The following BLTP3A variants were observed in gnomAD, a reference collection of about 807,000 sequenced individuals.
BLTP3A encodes ICBP90 binding protein 1.
chr6:34,823,229 G>A, the BLTP3A span: 5 of 1,575,434 alleles, frequency 3.2e-6, no homozygotes, highest in Non-Finnish European at 3.5e-6. Context: ...TTGTGTAAAT[G>A]CTTAGTTCTC....
At chr6:34,825,562 C>T in the BLTP3A span, among the ~76,000 whole-genome samples, 97 of 152,324 alleles carry the variant, frequency 6.4e-4, no homozygotes, top group African/African-American at 2.2e-3. Flanking sequence ...CTGCCTTGGC[C>T]TCCCAAAGTG....
the BLTP3A span, among the ~76,000 whole-genome samples, chr6:34,856,621 C>G: frequency 6.6e-6 from 1 of 152,130 alleles, no homozygotes; most frequent in African/African-American, 2.4e-5. Flanking sequence ...TAGACTGTTG[C>G]CTTGGTCTTA....
the BLTP3A span, among the ~76,000 whole-genome samples, chr6:34,827,529 A>G: frequency 4.6e-5 from 7 of 152,362 alleles, no homozygotes; most frequent in East Asian, 3.9e-4. Context: ...ATAACTATCA[A>G]TAACACTACT....
At chr6:34,811,756 G>A in the BLTP3A span, among the ~76,000 whole-genome samples, 2 of 151,750 alleles carry the variant, frequency 1.3e-5, no homozygotes, top group African/African-American at 4.8e-5. Context: ...CCACTCGGGA[G>A]GCTGAGGCAG....
the BLTP3A span, among the ~76,000 whole-genome samples, chr6:34,816,051 A>T: frequency 6.6e-6 from 1 of 152,256 alleles, no homozygotes; most frequent in African/African-American, 2.4e-5. Flanking sequence ...ATGAAATGTA[A>T]TACAATCTGA....
chr6:34,827,173 T>C, the BLTP3A span, among the ~76,000 whole-genome samples: 29 of 151,898 alleles, frequency 1.9e-4, no homozygotes, highest in Non-Finnish European at 3.7e-4. Context: ...TAGCCGGGCG[T>C]GGTGGCGCGT....
At chr6:34,792,259 G>A in the BLTP3A span, 1 of 1,542,362 alleles carries the variant, frequency 6.5e-7, no homozygotes, top group East Asian at 2.5e-5. Flanking sequence ...GCATGGCCGG[G>A]ATCATTAAGA....
the BLTP3A span, chr6:34,834,921 A>C: frequency 6.3e-7 from 1 of 1,577,164 alleles, no homozygotes; most frequent in South Asian, 1.2e-5. Flanking sequence ...GACAGCCTGG[A>C]TTTGGTATTC....
At chr6:34,858,293 C>T in the BLTP3A span, 1 of 1,614,178 alleles carries the variant, frequency 6.2e-7, no homozygotes, top group East Asian at 2.2e-5. Flanking sequence ...TTCTTTCATT[C>T]CAATTATGAT....
chr6:34,849,592 G>A, the BLTP3A span, among the ~76,000 whole-genome samples: 1 of 152,050 alleles, frequency 6.6e-6, no homozygotes, highest in African/African-American at 2.4e-5. Context: ...TTCAAGATAT[G>A]AGTAGTTCAT....
chr6:34,814,252 C>A, the BLTP3A span, among the ~76,000 whole-genome samples: 2 of 152,156 alleles, frequency 1.3e-5, no homozygotes, highest in Non-Finnish European at 2.9e-5. Context: ...TAGGCTCAAA[C>A]AATCCACCTG....
the BLTP3A span, among the ~76,000 whole-genome samples, chr6:34,854,357 T>A: frequency 6.6e-6 from 1 of 152,188 alleles, no homozygotes; most frequent in Non-Finnish European, 1.5e-5. Flanking sequence ...TGAGACATTA[T>A]AATATATACA....
the BLTP3A span, among the ~76,000 whole-genome samples, chr6:34,823,085 A>T: frequency 6.6e-6 from 1 of 152,172 alleles, no homozygotes; most frequent in Non-Finnish European, 1.5e-5. Flanking sequence ...CTCTCCTTGC[A>T]TTTTAGTTTG....
At chr6:34,873,754 C>T in the BLTP3A span, 2 of 152,154 alleles carry the variant, frequency 1.3e-5, no homozygotes, top group African/African-American at 4.8e-5. Context: ...CCTTTCCATA[C>T]TGAAGGAAAG....
At chr6:34,851,847 C>T in the BLTP3A span, among the ~76,000 whole-genome samples, 2 of 151,424 alleles carry the variant, frequency 1.3e-5, no homozygotes, top group African/African-American at 4.8e-5. Flanking sequence ...CAAAGTCCTT[C>T]CCACTCTTTC....
At chr6:34,859,018 C>T in the BLTP3A span, 1 of 1,614,166 alleles carries the variant, frequency 6.2e-7, no homozygotes, top group Non-Finnish European at 8.5e-7. Flanking sequence ...GCATCCTGCA[C>T]CCGGTGCTGT....
chr6:34,847,981 G>A, the BLTP3A span, among the ~76,000 whole-genome samples: 21 of 130,076 alleles, frequency 1.6e-4, no homozygotes, highest in African/African-American at 3.6e-4. Context: ...ATGCAGTGGC[G>A]TAATCTCAGC....
the BLTP3A span, among the ~76,000 whole-genome samples, chr6:34,845,682 C>T: frequency 6.6e-6 from 1 of 151,924 alleles, no homozygotes; most frequent in African/African-American, 2.4e-5. Context: ...CTGCAAGCTC[C>T]ACCTCCCAGG....
chr6:34,842,271 A>C, the BLTP3A span, among the ~76,000 whole-genome samples: 1 of 152,212 alleles, frequency 6.6e-6, no homozygotes, highest in African/African-American at 2.4e-5. Flanking sequence ...TTTAAGCTGT[A>C]TTGAGATACA....
Sources: allele counts gnomAD v4.1 joint callset (sites outside exome capture counted in the v4.1 genomes callset), GRCh38; gene constraint gnomAD v4.1.1; transcripts MANE v1.5; gene names NCBI Gene and HGNC (gene_info 2026-07-23, HGNC 2026-07-21).